The following PRKN variants were observed in gnomAD, a reference collection of about 807,000 sequenced individuals.
PRKN encodes E3 ubiquitin-protein ligase parkin.
In PRKN, 56 loss-of-function variants were observed where a neutral mutation model predicts 59.5. The observed-to-expected ratio is 0.94, with a 90% confidence interval of 0.76 to 1.18. The LOEUF (loss-of-function observed/expected upper bound fraction) is 1.18. Among genes scored for constraint, PRKN ranks in the 50% most tolerant of loss-of-function variants. The probability of loss-of-function intolerance (pLI) is 0.00; values close to 1 mark genes in which losing one functional copy is unlikely to be tolerated. For missense variants in PRKN, 657 were observed against 596.4 expected (o/e 1.10, Z -1.06); for synonymous variants, 250 against 222.1 (o/e 1.13, Z -1.12).
chr6:162,151,032 A>G (rs771003520), intron 4 of PRKN, among the ~76,000 whole-genome samples: 2 of 152,206 alleles, frequency 1.3e-5, no homozygotes, highest in African/African-American at 2.4e-5. Context: ...GTGAAGATCT[A>G]TATGAGGCAA....
At chr6:162,637,551 T>C (rs1250865911) in intron 1 of PRKN, among the ~76,000 whole-genome samples, 1 of 152,084 alleles carries the variant, frequency 6.6e-6, no homozygotes, top group Non-Finnish European at 1.5e-5. Flanking sequence ...GACCTTCACT[T>C]TGAGTCCCAT....
At position 161,549,069 on chromosome 6, in the gene PRKN, G is replaced by A. The variant is rs1779900553; in HGVS notation, c.934-66C>T. 6.4e-7 allele frequency: 1 copy of A among 1,556,200 alleles called. No homozygotes were observed. Among genetic ancestry groups the A allele is most frequent in the East Asian group, 2.2e-5 (1 of 44,558 alleles). On this transcript the variant is annotated intron_variant, in intron 8 of 11. Coordinates refer to ENST00000366898, the MANE Select transcript of PRKN (RefSeq NM_004562.3). This position sits in a 1 kb window ranked among gnomAD's most constrained non-coding sequence, Gnocchi z 6.0. Reference sequence around the variant, plus strand: ...GCAAATTTCAGCCAAAGGGTTAGGAGCTACAGTGCATGGGATTTCTTGCTT... The same window carrying A: ...GCAAATTTCAGCCAAAGGGTTAGGAACTACAGTGCATGGGATTTCTTGCTT...
chr6:161,973,264 G>T (rs201881954), intron 6 of PRKN, 38 bp downstream of exon 6: 2 of 1,291,568 alleles, frequency 1.5e-6, no homozygotes, highest in Non-Finnish European at 2.3e-6. Context: ...CTTACCTCAC[G>T]TCCGTGGAGG....
At chr6:161,493,895 T>C (rs990136699) in intron 9 of PRKN, among the ~76,000 whole-genome samples, 7 of 152,084 alleles carry the variant, frequency 4.6e-5, no homozygotes, top group African/African-American at 1.7e-4. Context: ...ACTAAAGAAG[T>C]GACAGCCAGA....
At chr6:161,970,117 A>G (rs947618495) in intron 6 of PRKN, among the ~76,000 whole-genome samples, 1 of 152,088 alleles carries the variant, frequency 6.6e-6, no homozygotes, top group South Asian at 2.1e-4. Flanking sequence ...AAACAGCTCA[A>G]TGCAGCCTTG....
intron 5 of PRKN, among the ~76,000 whole-genome samples, chr6:161,989,637 G>C (rs189007390): frequency 6.6e-6 from 1 of 152,132 alleles, no homozygotes; most frequent in African/African-American, 2.4e-5. Context: ...CACTATTGGG[G>C]ACCTGAGGAC....
intron 6 of PRKN, among the ~76,000 whole-genome samples, chr6:161,945,352 T>C (rs894679021): frequency 1.4e-4 from 22 of 152,326 alleles, no homozygotes; most frequent in Middle Eastern, 3.4e-3. Context: ...GCTTCCTAGA[T>C]TTAATGAATG....
chr6:162,112,074 C>T (rs534338532), intron 4 of PRKN, among the ~76,000 whole-genome samples: 26 of 152,346 alleles, frequency 1.7e-4, no homozygotes, highest in Admixed American at 4.6e-4. Context: ...CCATTCAACA[C>T]TCTCAATACT....
Position 162,489,921 on chromosome 6 carries a change from G to C in PRKN, c.8-46448C>G, listed in dbSNP as rs186184742. On this transcript the variant is annotated intron_variant, in intron 1 of 11. Transcript: ENST00000366898. ...CAATTTCCTTGGGGTAAATTTCTAA[G>C]AAGTGTCTTTATACCTTAAATCCTT... is the stretch of plus-strand genomic sequence containing the variant. 1.6e-4 allele frequency among the ~76,000 whole-genome samples: 25 copies of C among 152,274 alleles called. 1 individual carries two copies. Among genetic ancestry groups the C allele is most frequent in the South Asian group, 4.1e-4 (2 of 4,826 alleles).
At chr6:161,733,510 G>A (rs762873183) in intron 7 of PRKN, among the ~76,000 whole-genome samples, 2 of 152,060 alleles carry the variant, frequency 1.3e-5, no homozygotes, top group African/African-American at 2.4e-5. Flanking sequence ...CTTTGGGAGT[G>A]ATTACCAAAC....
chr6:162,217,907 T>C (rs745826664), intron 3 of PRKN, among the ~76,000 whole-genome samples: 6 of 152,152 alleles, frequency 3.9e-5, no homozygotes. Flanking sequence ...CCTTAATCTA[T>C]CCGACTTCTA....
intron 6 of PRKN, among the ~76,000 whole-genome samples, chr6:161,932,984 A>C (rs1779221656): frequency 1.3e-5 from 2 of 152,242 alleles, no homozygotes; most frequent in Non-Finnish European, 2.9e-5. Flanking sequence ...TTGATGTTTT[A>C]AATCACTAAA....
chr6:161,971,651 T>C (rs1780812706), intron 6 of PRKN, among the ~76,000 whole-genome samples: 2 of 152,220 alleles, frequency 1.3e-5, no homozygotes, highest in African/African-American at 4.8e-5. Flanking sequence ...TGACTAAACA[T>C]GCAGCAAAGA....
chr6:161,494,599 C>G (rs1405467003), intron 9 of PRKN, among the ~76,000 whole-genome samples: 1 of 152,196 alleles, frequency 6.6e-6, no homozygotes, highest in Non-Finnish European at 1.5e-5. Flanking sequence ...GTTTCTTCAT[C>G]GACTGGTTCC....
intron 7 of PRKN, among the ~76,000 whole-genome samples, chr6:161,761,669 T>G (rs956018134): frequency 6.6e-6 from 1 of 152,110 alleles, no homozygotes; most frequent in Non-Finnish European, 1.5e-5. Context: ...CAATCATACA[T>G]AGAGAGCTAG....
intron 5 of PRKN, among the ~76,000 whole-genome samples, chr6:161,988,348 T>C (rs1277904320): frequency 1.3e-5 from 2 of 151,526 alleles, no homozygotes; most frequent in Non-Finnish European, 2.9e-5. Context: ...ATTAGCTGGG[T>C]GTAGTGGGGC....
intron 9 of PRKN, among the ~76,000 whole-genome samples, chr6:161,449,760 A>G (rs1789646680): frequency 6.6e-6 from 1 of 152,194 alleles, no homozygotes; most frequent in Non-Finnish European, 1.5e-5. Context: ...AGACTTCCGT[A>G]ACCAGCCATA....
At chr6:162,690,288 A>G (rs1290523470) in intron 1 of PRKN, among the ~76,000 whole-genome samples, 1 of 152,192 alleles carries the variant, frequency 6.6e-6, no homozygotes, top group African/African-American at 2.4e-5. Flanking sequence ...CACCGATTCT[A>G]TGGAGAAACC....
chr6:162,374,007 G>T (rs1190892971), intron 2 of PRKN, among the ~76,000 whole-genome samples: 1 of 152,282 alleles, frequency 6.6e-6, no homozygotes, highest in South Asian at 2.1e-4. Context: ...CCTTTCAGAG[G>T]CCAAAACTTG....
Sources: gnomAD v4.1 joint callset for allele counts (sites outside exome capture counted in the v4.1 genomes callset) on GRCh38, gnomAD v4.1.1 for gene constraint, Gnocchi (gnomAD v3.1) non-coding constraint, MANE v1.5 for transcripts, NCBI Gene and HGNC (gene_info 2026-07-23, HGNC 2026-07-21) for gene names.